LRRC4C: variants seen among roughly 807,000 people sequenced by gnomAD.
LRRC4C encodes leucine-rich repeat-containing protein 4C.
LRRC4C carries 5 observed loss-of-function variants against 33.6 expected under a neutral mutation model. That is an observed-to-expected ratio of 0.15 (90% CI 0.08 to 0.31). The LOEUF (loss-of-function observed/expected upper bound fraction) is 0.31, where lower values mean the gene tolerates loss of function less well. LRRC4C is among the 10% of genes least tolerant of loss of function. The pLI is 1.00. For missense variants in LRRC4C, 560 were observed against 796.7 expected (o/e 0.70, Z 3.58); for synonymous variants, 329 against 302.0 (o/e 1.09, Z -0.93).
At chr11:40,454,264 A>G (rs1405152545) in intron 3 of LRRC4C, among the ~76,000 whole-genome samples, 1 of 151,978 alleles carries the variant, frequency 6.6e-6, no homozygotes, top group East Asian at 1.9e-4. Flanking sequence ...TAGTTAAAAT[A>G]TGATTTCAGA....
In LRRC4C at chr11:40,533,993, A is replaced by T. The variant is rs1353353; in HGVS notation, c.-270+114149T>A. Among the ~76,000 whole-genome samples the T allele has an allele frequency of 2.6e-5, 4 of 151,988 alleles. No homozygotes were observed. In the East Asian group the frequency reaches 7.7e-4, roughly 29 times the overall value. ...CAATGCAGTGGTTGCCTTAGTGCTC[A>T]CAAGATTTTGAGGCACATGTGCTAA... On this transcript the variant is annotated intron_variant, in intron 3 of 6. Coordinates refer to ENST00000528697, the MANE Select transcript of LRRC4C (RefSeq NM_001258419.2).
intron 5 of LRRC4C, among the ~76,000 whole-genome samples, chr11:40,190,063 C>T (rs1031360543): frequency 2.0e-5 from 3 of 152,126 alleles, no homozygotes; most frequent in Non-Finnish European, 4.4e-5. Flanking sequence ...CAAAGACTCA[C>T]CTGCTTTTTC....
intron 5 of LRRC4C, among the ~76,000 whole-genome samples, chr11:40,188,961 C>A (rs1239073998): frequency 6.6e-6 from 1 of 152,182 alleles, no homozygotes; most frequent in African/African-American, 2.4e-5. Flanking sequence ...GGCTTTCATT[C>A]AATCTCTTAA....
At chr11:40,481,163 C>A (rs1377250047) in intron 3 of LRRC4C, among the ~76,000 whole-genome samples, 1 of 151,604 alleles carries the variant, frequency 6.6e-6, no homozygotes, top group Non-Finnish European at 1.5e-5. Context: ...AACTCGTATA[C>A]TTCACTTAGC....
chr11:41,316,946 T>G (rs1950814847), intron 1 of LRRC4C, among the ~76,000 whole-genome samples: 1 of 152,212 alleles, frequency 6.6e-6, no homozygotes, highest in East Asian at 1.9e-4. Flanking sequence ...CACTGACTCC[T>G]GTTGTGTGAC....
At chr11:40,664,161 T>G (rs1943594297) in intron 2 of LRRC4C, among the ~76,000 whole-genome samples, 1 of 152,218 alleles carries the variant, frequency 6.6e-6, no homozygotes, top group African/African-American at 2.4e-5. Flanking sequence ...TAGTGTATAA[T>G]TCAACATGGA....
chr11:40,668,543 T>C (rs940259121), intron 2 of LRRC4C, among the ~76,000 whole-genome samples: 9 of 152,180 alleles, frequency 5.9e-5, no homozygotes, highest in African/African-American at 2.2e-4. Context: ...GCCAGAATTT[T>C]CTCTCCCATC....
intron 3 of LRRC4C, among the ~76,000 whole-genome samples, chr11:40,622,320 A>C (rs1565569620): frequency 6.6e-6 from 1 of 151,624 alleles, no homozygotes; most frequent in Non-Finnish European, 1.5e-5. Flanking sequence ...ATCTATAATG[A>C]CAGTGGATGT....
intron 1 of LRRC4C, among the ~76,000 whole-genome samples, chr11:41,203,068 G>A (rs1946464757): frequency 6.6e-6 from 1 of 152,218 alleles, no homozygotes; most frequent in African/African-American, 2.4e-5. Context: ...TAACAGGCGT[G>A]AGCCACTGTG....
Position 40,815,830 on chromosome 11 carries a change from C to T in LRRC4C, c.-407+117805G>A, listed in dbSNP as rs76895622. Among the ~76,000 whole-genome samples the T allele has an allele frequency of 9.1e-4, 139 of 152,306 alleles. 2 individuals are homozygous for T. In the East Asian group the frequency reaches 0.022, roughly 24 times the overall value. On this transcript the variant is annotated intron_variant, in intron 2 of 6. Coordinates refer to ENST00000528697, the MANE Select transcript of LRRC4C (RefSeq NM_001258419.2). ...AAAGGAGCTTGTTATAAAAGTGACA[C>T]TTTTACCAGTGCTATATGATTATGT...
intron 2 of LRRC4C, among the ~76,000 whole-genome samples, chr11:40,830,595 G>C (rs1266568630): frequency 6.6e-6 from 1 of 152,034 alleles, no homozygotes; most frequent in Non-Finnish European, 1.5e-5. Flanking sequence ...AATCAAATTG[G>C]TGTAAAATAA....
At chr11:41,190,802 AG>A (rs1945911503) in intron 1 of LRRC4C, among the ~76,000 whole-genome samples, 1 of 152,180 alleles carries the variant, frequency 6.6e-6, no homozygotes, top group South Asian at 2.1e-4. Flanking sequence ...TGATGATGAA[AG>A]CCCTTTCAGA....
At chr11:41,130,966 T>G (rs1175975879) in intron 1 of LRRC4C, among the ~76,000 whole-genome samples, 2 of 152,078 alleles carry the variant, frequency 1.3e-5, no homozygotes, top group Non-Finnish European at 2.9e-5. Context: ...GCAGGTATAT[T>G]TCTTTGCCTA....
chr11:41,197,370 A>G (rs1946222806), intron 1 of LRRC4C, among the ~76,000 whole-genome samples: 1 of 152,012 alleles, frequency 6.6e-6, no homozygotes, highest in Non-Finnish European at 1.5e-5. Context: ...TTATCATTTT[A>G]TTGGGCTCTG....
chr11:40,335,617 C>T (rs947700830), intron 3 of LRRC4C, among the ~76,000 whole-genome samples: 1 of 152,198 alleles, frequency 6.6e-6, no homozygotes. Flanking sequence ...TTCAAATGTT[C>T]ACCCAGGTGA....
intron 2 of LRRC4C, among the ~76,000 whole-genome samples, chr11:40,683,119 A>G (rs1187259058): frequency 6.6e-6 from 1 of 152,186 alleles, no homozygotes; most frequent in Non-Finnish European, 1.5e-5. Flanking sequence ...TCTTCTCCAC[A>G]TTTTTTTGTC....
At chr11:40,179,282 G>T (rs899033995) in intron 5 of LRRC4C, among the ~76,000 whole-genome samples, 1 of 151,944 alleles carries the variant, frequency 6.6e-6, no homozygotes, top group Admixed American at 6.6e-5. Flanking sequence ...GGGATTATAG[G>T]TGCAAGCCAC....
chr11:40,520,214 T>A (rs993090560), intron 3 of LRRC4C, among the ~76,000 whole-genome samples: 2 of 152,224 alleles, frequency 1.3e-5, no homozygotes, highest in Non-Finnish European at 2.9e-5. Flanking sequence ...CAAGAGCGCA[T>A]GTTATCATCC....
chr11:40,606,519 T>TA (rs1391527673), intron 3 of LRRC4C, among the ~76,000 whole-genome samples: 1 of 150,908 alleles, frequency 6.6e-6, no homozygotes, highest in Non-Finnish European at 1.5e-5. Flanking sequence ...CACAAAGAAA[T>TA]AAAGAAACAT....
Sources: allele counts gnomAD v4.1 joint callset (sites outside exome capture counted in the v4.1 genomes callset), GRCh38; gene constraint gnomAD v4.1.1; transcripts MANE v1.5; gene names NCBI Gene and HGNC (gene_info 2026-07-23, HGNC 2026-07-21).